The following NPAS3 variants were observed in gnomAD, a reference collection of about 807,000 sequenced individuals.
NPAS3 encodes neuronal PAS domain-containing protein 3.
Under a neutral mutation model 73.1 loss-of-function variants are expected in NPAS3, and 14 were observed. The observed-to-expected ratio is 0.19, with a 90% CI of 0.13 to 0.30. The LOEUF (loss-of-function observed/expected upper bound fraction) is 0.30, where lower values mean the gene tolerates loss of function less well. Among genes scored for constraint, NPAS3 ranks in the 10% least tolerant of loss-of-function variants. The pLI, the probability that NPAS3 is intolerant of heterozygous loss-of-function variation, is 1.00. For synonymous variants in NPAS3, 620 were observed against 541.5 expected (o/e 1.14, Z -2.01); for missense variants, 1,096 against 1,250.0 (o/e 0.88, Z 1.86).
chr14:33,388,542 C>A (rs554939126), intron 4 of NPAS3, among the ~76,000 whole-genome samples: 1 of 151,974 alleles, frequency 6.6e-6, no homozygotes, highest in Non-Finnish European at 1.5e-5. Context: ...AGAGGAAGAA[C>A]CAGGTAGTGG....
intron 2 of NPAS3, among the ~76,000 whole-genome samples, chr14:33,206,849 G>GTCCTGCCGTCAAAGGGTACCCACAGT (rs1259336446): frequency 3.3e-5 from 5 of 152,138 alleles, no homozygotes; most frequent in Admixed American, 6.6e-5. Flanking sequence ...TCAGTGAAAT[G>GTCCTGCCGTCAAAGGGTACCCACAGT]TCCTGCCGTC....
chr14:33,352,006 T>G (rs1336317246), intron 3 of NPAS3, among the ~76,000 whole-genome samples: 3 of 152,134 alleles, frequency 2.0e-5, no homozygotes, highest in South Asian at 2.1e-4. Flanking sequence ...GTAACAAACC[T>G]GCACGTTCTG....
intron 4 of NPAS3, among the ~76,000 whole-genome samples, chr14:33,462,499 A>T (rs531787354): frequency 4.8e-4 from 73 of 152,146 alleles, no homozygotes; most frequent in Non-Finnish European, 9.4e-4. Flanking sequence ...CTTCTTCATG[A>T]CATAGACGGC....
At chr14:33,155,886 T>G (rs1424793388) in intron 2 of NPAS3, among the ~76,000 whole-genome samples, 1 of 152,236 alleles carries the variant, frequency 6.6e-6, no homozygotes, top group Non-Finnish European at 1.5e-5. Context: ...ACCATATTTT[T>G]ACTACTCTAA....
intron 3 of NPAS3, among the ~76,000 whole-genome samples, chr14:33,274,859 TA>T (rs1282306798): frequency 6.6e-6 from 1 of 152,174 alleles, no homozygotes; most frequent in Non-Finnish European, 1.5e-5. Context: ...GCAACTTTTT[TA>T]AAGGGCTACA....
chr14:33,147,161 G>T lies in NPAS3; in HGVS notation c.141-68021G>T, dbSNP rs560448872. Among the ~76,000 whole-genome samples the T allele has an allele frequency of 2.6e-5, 4 of 151,410 alleles. No individual in the cohort carries two copies. In the East Asian group the frequency reaches 7.8e-4, roughly 29 times the overall value. Reference sequence around the variant, plus strand: ...AGAAATTATTGATTGAATTTAATCTGCATTTTTTTCTTCCACATCCTATAA... The same window carrying T: ...AGAAATTATTGATTGAATTTAATCTTCATTTTTTTCTTCCACATCCTATAA... On this transcript the variant is annotated intron_variant, in intron 2 of 11. Transcript: ENST00000356141.
intron 5 of NPAS3, among the ~76,000 whole-genome samples, chr14:33,605,786 A>G (rs184802453): frequency 2.1e-4 from 32 of 152,286 alleles, no homozygotes; most frequent in African/African-American, 7.5e-4. Flanking sequence ...TAAAGATGCT[A>G]TGTCTCCCTA....
intron 4 of NPAS3, among the ~76,000 whole-genome samples, chr14:33,446,693 C>A (rs943600385): frequency 2.0e-5 from 3 of 152,104 alleles, no homozygotes; most frequent in Non-Finnish European, 2.9e-5. Flanking sequence ...TAATTCTATT[C>A]TATTGCCTAA....
intron 3 of NPAS3, among the ~76,000 whole-genome samples, chr14:33,273,260 C>T (rs2041179490): frequency 6.6e-6 from 1 of 152,192 alleles, no homozygotes; most frequent in South Asian, 2.1e-4. Flanking sequence ...GCACTTTCTT[C>T]CTTTTGTTGG....
chr14:33,429,122 G>A (rs929533700), intron 4 of NPAS3, among the ~76,000 whole-genome samples: 14 of 152,134 alleles, frequency 9.2e-5, no homozygotes, highest in African/African-American at 2.9e-4. Context: ...AGAAGTGGAT[G>A]AAATGACACC....
chr14:33,163,627 T>G (rs901326848), intron 2 of NPAS3, among the ~76,000 whole-genome samples: 204 of 137,310 alleles, frequency 1.5e-3, no homozygotes, highest in African/African-American at 4.6e-3. Flanking sequence ...TTTGTTGTTT[T>G]TTTTTTTTTT....
chr14:33,407,767 A>G (rs541496557), intron 4 of NPAS3, among the ~76,000 whole-genome samples: 1 of 152,062 alleles, frequency 6.6e-6, no homozygotes, highest in African/African-American at 2.4e-5. Flanking sequence ...AAACACAGAT[A>G]TCCTCAAGGG....
chr14:33,302,352 C>G (rs948789595), intron 3 of NPAS3, among the ~76,000 whole-genome samples: 2 of 152,072 alleles, frequency 1.3e-5, no homozygotes, highest in African/African-American at 2.4e-5. Context: ...GATGACATAC[C>G]TAGTCCTGCA....
chr14:33,019,745 T>G (rs1357170200), intron 1 of NPAS3, among the ~76,000 whole-genome samples: 1 of 152,208 alleles, frequency 6.6e-6, no homozygotes, highest in Non-Finnish European at 1.5e-5. Context: ...TGTAATAAAC[T>G]ACACTCCTTT....
chr14:33,170,502 T>G (rs904727847), intron 2 of NPAS3, among the ~76,000 whole-genome samples: 1 of 152,208 alleles, frequency 6.6e-6, no homozygotes, highest in African/African-American at 2.4e-5. Context: ...TGATTTGACC[T>G]TTCATTAAAG....
chr14:33,264,367 C>A (rs2049092417), intron 3 of NPAS3, among the ~76,000 whole-genome samples: 1 of 151,920 alleles, frequency 6.6e-6, no homozygotes, highest in Admixed American at 6.6e-5. Context: ...CACATGTATA[C>A]ATATGTAAAA....
chr14:33,434,080 G>A (rs185454390), intron 4 of NPAS3, among the ~76,000 whole-genome samples: 113 of 152,136 alleles, frequency 7.4e-4, no homozygotes, highest in African/African-American at 2.7e-3. Context: ...TAATCCCAGT[G>A]ACTCAGGAGG....
intron 4 of NPAS3, among the ~76,000 whole-genome samples, chr14:33,383,886 T>A (rs544395519): frequency 6.6e-6 from 1 of 152,186 alleles, no homozygotes; most frequent in African/African-American, 2.4e-5. Flanking sequence ...CATGTTATAA[T>A]CTGCCGCTAT....
intron 3 of NPAS3, among the ~76,000 whole-genome samples, chr14:33,263,388 A>G (rs1167801841): frequency 6.6e-6 from 1 of 152,144 alleles, no homozygotes; most frequent in Non-Finnish European, 1.5e-5. Flanking sequence ...TCCTTTCTCC[A>G]TTGCTTGTTT....
Sources: allele counts gnomAD v4.1 joint callset (sites outside exome capture counted in the v4.1 genomes callset), GRCh38; gene constraint gnomAD v4.1.1; transcripts MANE v1.5; gene names NCBI Gene and HGNC (gene_info 2026-07-23, HGNC 2026-07-21).